Variants in TMEM132C observed in about 807,000 individuals in gnomAD.
TMEM132C encodes transmembrane protein 132C, also known as protein phosphatase 1, regulatory subunit 152.
A neutral mutation model predicts 61.4 loss-of-function variants in TMEM132C; 29 were observed. The observed-to-expected ratio is 0.47, with a 90% CI of 0.35 to 0.64. The LOEUF is 0.64. TMEM132C is among the 30% of genes least tolerant of loss of function. TMEM132C has a pLI of 0.00. For missense variants in TMEM132C, 1,408 were observed against 1,476.9 expected (o/e 0.95, Z 0.76); for synonymous variants, 656 against 633.1 (o/e 1.04, Z -0.54).
At chr12:128,682,228 A>G (rs1954641333) in intron 5 of TMEM132C, among the ~76,000 whole-genome samples, 1 of 152,114 alleles carries the variant, frequency 6.6e-6, no homozygotes, top group African/African-American at 2.4e-5. Flanking sequence ...AAGACCCCCA[A>G]AGAAACTAGG....
intron 2 of TMEM132C, among the ~76,000 whole-genome samples, chr12:128,497,553 G>A (rs543019186): frequency 6.2e-4 from 94 of 152,278 alleles, no homozygotes; most frequent in African/African-American, 2.1e-3. Context: ...CCCCAGCCTC[G>A]CTGCTGCCTT....
At chr12:128,600,144 G>A (rs113594511) in intron 3 of TMEM132C, among the ~76,000 whole-genome samples, 3,956 of 152,034 alleles carry the variant, frequency 0.026, 118 homozygotes, top group African/African-American at 0.075. Flanking sequence ...CACTGCGCCC[G>A]GCTAATTTTT....
chr12:128,631,084 A>G (rs1161517475), intron 4 of TMEM132C, among the ~76,000 whole-genome samples: 1 of 152,186 alleles, frequency 6.6e-6, no homozygotes, highest in African/African-American at 2.4e-5. Context: ...TCTAAACTTT[A>G]TGTGGTTTTG....
intron 2 of TMEM132C, among the ~76,000 whole-genome samples, chr12:128,492,004 C>G (rs1056412738): frequency 4.6e-5 from 7 of 152,122 alleles, no homozygotes; most frequent in Admixed American, 1.3e-4. Context: ...TCCCCACTCC[C>G]TGCACCCCAC....
intron 4 of TMEM132C, among the ~76,000 whole-genome samples, chr12:128,626,600 G>C (rs1954020231): frequency 6.6e-6 from 1 of 151,206 alleles, no homozygotes; most frequent in Admixed American, 6.6e-5. Flanking sequence ...ATTTGCCACT[G>C]TATCCAGCTA....
chr12:128,371,314 C>G lies in TMEM132C; in HGVS notation c.86-43418C>G, dbSNP rs144855467. Among the ~76,000 whole-genome samples, 10 of 152,250 alleles carry G rather than the reference C, an allele frequency of 6.6e-5. No homozygotes were observed. The East Asian group carries it at 1.7e-3, about 26-fold the overall frequency. The stretch of plus-strand genomic sequence containing the variant: ...CTCTGTCAATGTAAGTCAAGTGCAA[C>G]TGACTTCCATCTTGGCTCCAGGAAG... On this transcript the variant is annotated intron_variant, in intron 1 of 8. Transcript: ENST00000435159.
chr12:128,339,319 T>C (rs925065997), intron 1 of TMEM132C, among the ~76,000 whole-genome samples: 2 of 151,214 alleles, frequency 1.3e-5, no homozygotes, highest in African/African-American at 2.4e-5. Context: ...GCCCAGGGGG[T>C]TGGAGGTCTG....
chr12:128,694,247 T>C (rs1044082116), intron 6 of TMEM132C, among the ~76,000 whole-genome samples: 1 of 152,180 alleles, frequency 6.6e-6, no homozygotes, highest in Non-Finnish European at 1.5e-5. Flanking sequence ...GGGGCTTATA[T>C]GAGGCTGTCT....
In TMEM132C at chr12:128,685,911, A is replaced by G. The variant is rs576040186; in HGVS notation, c.1450-7918A>G. Among the ~76,000 whole-genome samples the G allele has an allele frequency of 9.2e-5, 14 of 152,342 alleles. 1 individual carries two copies. The highest frequency in any genetic ancestry group is 3.1e-4 in the African/African-American group (13 of 41,588). ...TGGTGTGGACTCAGAGAGATGACCC[A>G]TGTGAGCCTCTTAGAATGGTGCCTG... is the stretch of plus-strand genomic sequence containing the variant. On this transcript the variant is annotated intron_variant, in intron 5 of 8. Transcript: ENST00000435159.
chr12:128,603,345 T>C (rs1268079574), intron 3 of TMEM132C, among the ~76,000 whole-genome samples: 1 of 152,136 alleles, frequency 6.6e-6, no homozygotes, highest in Non-Finnish European at 1.5e-5. Flanking sequence ...GTGGGTAGCA[T>C]CTGAGACCAT....
intron 2 of TMEM132C, among the ~76,000 whole-genome samples, chr12:128,501,901 A>G (rs900972893): frequency 6.6e-6 from 1 of 152,182 alleles, no homozygotes; most frequent in Non-Finnish European, 1.5e-5. Flanking sequence ...ACACTTTGAC[A>G]TCCTGAGAGC....
chr12:128,290,857 A>G (rs1384450649), intron 1 of TMEM132C, among the ~76,000 whole-genome samples: 4 of 151,882 alleles, frequency 2.6e-5, no homozygotes, highest in African/African-American at 9.7e-5. Context: ...ACAAAAAAAA[A>G]AAAAAGAAAT....
At chr12:128,274,012 C>T (rs1483082608) in intron 1 of TMEM132C, among the ~76,000 whole-genome samples, 2 of 152,166 alleles carry the variant, frequency 1.3e-5, no homozygotes, top group East Asian at 3.8e-4. Context: ...AGATGTTATT[C>T]TCCTACCTGT....
chr12:128,469,918 TA>T (rs1309799424), intron 2 of TMEM132C, among the ~76,000 whole-genome samples: 2 of 152,184 alleles, frequency 1.3e-5, no homozygotes, highest in African/African-American at 4.8e-5. Flanking sequence ...ACATATTATA[TA>T]AATACATACA....
chr12:128,419,177 T>G (rs1309878718), intron 2 of TMEM132C, among the ~76,000 whole-genome samples: 1 of 151,992 alleles, frequency 6.6e-6, no homozygotes, highest in African/African-American at 2.4e-5. Context: ...TAGTACAGCC[T>G]CCAAGACTGC....
intron 1 of TMEM132C, among the ~76,000 whole-genome samples, chr12:128,324,957 G>A (rs1304644159): frequency 6.6e-6 from 1 of 152,044 alleles, no homozygotes; most frequent in African/African-American, 2.4e-5. Context: ...ATTTTTTACT[G>A]TTATAAAATT....
At chr12:128,571,217 G>A (rs74791583) in intron 3 of TMEM132C, among the ~76,000 whole-genome samples, 2,503 of 152,258 alleles carry the variant, frequency 0.016, 62 homozygotes, top group African/African-American at 0.057. Flanking sequence ...CGGAGTCACC[G>A]AATTAACCAA....
chr12:128,549,762 G>A (rs915589672), intron 3 of TMEM132C, among the ~76,000 whole-genome samples: 150 of 152,176 alleles, frequency 9.9e-4, no homozygotes, highest in African/African-American at 3.2e-3. Flanking sequence ...TGTGCCTCGC[G>A]CTCTCCAAAT....
At chr12:128,387,372 C>A (rs1874619834) in intron 1 of TMEM132C, among the ~76,000 whole-genome samples, 4 of 152,280 alleles carry the variant, frequency 2.6e-5, no homozygotes, top group Non-Finnish European at 4.4e-5. Flanking sequence ...GGCTGTCCAC[C>A]TGGAGCACCA....
Sources: gnomAD v4.1 joint callset for allele counts (sites outside exome capture counted in the v4.1 genomes callset) on GRCh38, gnomAD v4.1.1 for gene constraint, MANE v1.5 for transcripts, NCBI Gene and HGNC (gene_info 2026-07-23, HGNC 2026-07-21) for gene names.